The following LRFN5 variants were observed in gnomAD, a reference collection of about 807,000 sequenced individuals.
LRFN5 encodes the protein leucine-rich repeat and fibronectin type-III domain-containing protein 5.
Under a neutral mutation model 45.6 loss-of-function variants are expected in LRFN5, and 24 were observed. The observed-to-expected ratio is 0.53, with a 90% confidence interval of 0.38 to 0.74. The LOEUF (loss-of-function observed/expected upper bound fraction) is 0.74, where lower values mean the gene tolerates loss of function less well. LRFN5 is among the 30% of genes least tolerant of loss of function. The probability of loss-of-function intolerance (pLI) is 0.00; values close to 1 mark genes in which losing one functional copy is unlikely to be tolerated. For missense variants in LRFN5, 776 were observed against 861.5 expected, an observed-to-expected ratio of 0.90 and a Z score of 1.24; for synonymous variants, 340 against 313.8, an observed-to-expected ratio of 1.08 and a Z score of -0.88.
chr14:41,790,787 G>A (rs1363149926), intron 2 of LRFN5, among the ~76,000 whole-genome samples: 1 of 141,390 alleles, frequency 7.1e-6, no homozygotes, highest in Non-Finnish European at 1.5e-5. Flanking sequence ...ATTCCAGATT[G>A]AAATATGTTA....
intron 3 of LRFN5, among the ~76,000 whole-genome samples, chr14:41,888,313 A>C (rs537366407): frequency 6.6e-6 from 1 of 152,166 alleles, no homozygotes; most frequent in Non-Finnish European, 1.5e-5. Flanking sequence ...ACATACCAGA[A>C]CTTACACACA....
At chr14:41,752,797 T>G (rs1849666232) in intron 1 of LRFN5, among the ~76,000 whole-genome samples, 3 of 152,230 alleles carry the variant, frequency 2.0e-5, no homozygotes, top group South Asian at 4.1e-4. Flanking sequence ...ATTTGGGCTT[T>G]TGTTGCCATT....
At chr14:41,876,089 G>A (rs1457977638) in intron 2 of LRFN5, among the ~76,000 whole-genome samples, 2 of 151,936 alleles carry the variant, frequency 1.3e-5, no homozygotes, top group Admixed American at 6.6e-5. Flanking sequence ...ATCTCACCCC[G>A]ACTATGTCAA....
intron 1 of LRFN5, among the ~76,000 whole-genome samples, chr14:41,744,050 A>G (rs1437442368): frequency 6.6e-6 from 1 of 152,186 alleles, no homozygotes. Context: ...TAAAGAATAT[A>G]CACAAAAGAA....
At chr14:41,857,726 G>A (rs1889520950) in intron 2 of LRFN5, among the ~76,000 whole-genome samples, 1 of 152,156 alleles carries the variant, frequency 6.6e-6, no homozygotes, top group Non-Finnish European at 1.5e-5. Context: ...ACAAATTACT[G>A]TTCAGTCTTC....
At chr14:41,795,127 G>C (rs542868543) in intron 2 of LRFN5, among the ~76,000 whole-genome samples, 5 of 152,084 alleles carry the variant, frequency 3.3e-5, no homozygotes, top group Non-Finnish European at 1.5e-5. Context: ...TCAGGCTTCA[G>C]ACATTTTTCA....
At chr14:41,821,695 A>G (rs139122608) in intron 2 of LRFN5, among the ~76,000 whole-genome samples, 1,438 of 143,264 alleles carry the variant, frequency 0.01, 17 homozygotes, top group African/African-American at 0.034. Flanking sequence ...AAACAGTTTC[A>G]GTAGGATTTG....
At chr14:41,772,150 A>G (rs1192061765) in intron 2 of LRFN5, among the ~76,000 whole-genome samples, 3 of 152,146 alleles carry the variant, frequency 2.0e-5, no homozygotes, top group Non-Finnish European at 4.4e-5. Flanking sequence ...TCAAACAACC[A>G]GATCTTGCAT....
At chr14:41,771,166 C>A (rs1455382331) in intron 2 of LRFN5, among the ~76,000 whole-genome samples, 1 of 150,546 alleles carries the variant, frequency 6.6e-6, no homozygotes, top group Non-Finnish European at 1.5e-5. Context: ...TAGGCCTGGC[C>A]CCTGAAACCA....
At chr14:41,808,782 G>T (rs894069465) in intron 2 of LRFN5, among the ~76,000 whole-genome samples, 1 of 151,954 alleles carries the variant, frequency 6.6e-6, no homozygotes, top group African/African-American at 2.4e-5. Context: ...TCACTATTAG[G>T]ATAAGCTAAA....
chr14:41,783,703 A>G (rs1886617671), intron 2 of LRFN5, among the ~76,000 whole-genome samples: 3 of 147,992 alleles, frequency 2.0e-5, no homozygotes, highest in Non-Finnish European at 3.0e-5. Context: ...CCTTAAAAAA[A>G]GGGGATGTTC....
At chr14:41,673,656 T>C (rs1229381872) in intron 1 of LRFN5, among the ~76,000 whole-genome samples, 1 of 141,094 alleles carries the variant, frequency 7.1e-6, no homozygotes, top group African/African-American at 2.7e-5. Context: ...ACGGGGCAGC[T>C]GGCCGGGCAG....
chr14:41,862,926 G>A (rs890543208), intron 2 of LRFN5, among the ~76,000 whole-genome samples: 5 of 142,692 alleles, frequency 3.5e-5, no homozygotes, highest in South Asian at 2.2e-4. Context: ...GTGCAGTGGC[G>A]CAATCTCAGC....
intron 2 of LRFN5, among the ~76,000 whole-genome samples, chr14:41,793,231 G>T (rs550269101): frequency 4.2e-4 from 64 of 151,978 alleles, no homozygotes; most frequent in African/African-American, 1.4e-3. Flanking sequence ...CTCTGCCGGG[G>T]CTCCAGCCGG....
At chr14:41,815,930 T>A (rs956915014) in intron 2 of LRFN5, among the ~76,000 whole-genome samples, 11 of 152,124 alleles carry the variant, frequency 7.2e-5, no homozygotes, top group African/African-American at 2.7e-4. Context: ...CTATCATATT[T>A]GTTAGTGTTT....
intron 1 of LRFN5, among the ~76,000 whole-genome samples, chr14:41,697,039 ATAT>A (rs1882642576): frequency 6.6e-6 from 1 of 151,958 alleles, no homozygotes; most frequent in East Asian, 1.9e-4. Flanking sequence ...TGCACTTTTG[ATAT>A]TAGTAGTATT....
intron 1 of LRFN5, among the ~76,000 whole-genome samples, chr14:41,609,622 A>AACATT (rs1887652136): frequency 1.3e-5 from 2 of 152,158 alleles, no homozygotes; most frequent in South Asian, 4.1e-4. Flanking sequence ...TAACAAGATA[A>AACATT]AGCACTTCCA....
intron 1 of LRFN5, among the ~76,000 whole-genome samples, chr14:41,662,131 G>T (rs193009441): frequency 5.3e-5 from 8 of 152,080 alleles, no homozygotes; most frequent in African/African-American, 1.9e-4. Context: ...TTATTCAGGG[G>T]CCTGGGCCTG....
chr14:41,661,827 C>G (rs1469192810), intron 1 of LRFN5, among the ~76,000 whole-genome samples: 2 of 151,936 alleles, frequency 1.3e-5, no homozygotes, highest in African/African-American at 4.8e-5. Flanking sequence ...AAAAATAGAA[C>G]AACAATAAAC....
Sources: allele counts gnomAD v4.1 joint callset (sites outside exome capture counted in the v4.1 genomes callset), GRCh38; gene constraint gnomAD v4.1.1; transcripts MANE v1.5; gene names NCBI Gene and HGNC (gene_info 2026-07-23, HGNC 2026-07-21).